ALMS1: variants seen among roughly 807,000 people sequenced by gnomAD.
ALMS1 encodes centrosome-associated protein ALMS1.
ALMS1 carries 271 observed loss-of-function variants against 352.2 expected under a neutral mutation model. The ratio of observed to expected loss-of-function variants is 0.77; its 90% CI spans 0.70 to 0.85. ALMS1 has a LOEUF of 0.85. ALMS1 is among the 40% of genes least tolerant of loss of function. The probability of loss-of-function intolerance (pLI) is 0.00; values close to 1 mark genes in which losing one functional copy is unlikely to be tolerated. For synonymous variants in ALMS1, 1,865 were observed against 1,761.2 expected (o/e 1.06, Z -1.48); for missense variants, 5,445 against 4,870.7 (o/e 1.12, Z -3.51).
At chr2:73,476,986 T>A (rs982678716) in intron 9 of ALMS1, among the ~76,000 whole-genome samples, 1 of 152,152 alleles carries the variant, frequency 6.6e-6, no homozygotes, top group African/African-American at 2.4e-5. Context: ...AAAGGTGCAA[T>A]TTCTAAGTAC....
chr2:73,490,866 C>T lies in ALMS1; in HGVS notation c.8907C>T (p.Cys2969=), dbSNP rs1355984539. 3.1e-6 allele frequency: 5 copies of T among 1,613,936 alleles called. No individual in the cohort carries two copies. The highest frequency in any genetic ancestry group is 4.2e-6 in the Non-Finnish European group (5 of 1,179,996). Residue 2969 remains cysteine (C), a synonymous_variant, in exon 10 of 23, where the codon TGC becomes TGT. Coordinates refer to ENST00000613296, the MANE Select transcript of ALMS1 (RefSeq NM_001378454.1). ...DLPSPISLEQ[C]QSKAPGVDDQ... ...CGTCTCCCATTTCTCTTGAACAATG[C>T]CAAAGCAAAGCGCCAGGTGTAGATG... is the stretch of plus-strand genomic sequence containing the variant.
At chr2:73,406,944 TAAC>T (rs1288485237) in intron 1 of ALMS1, among the ~76,000 whole-genome samples, 2 of 152,254 alleles carry the variant, frequency 1.3e-5, no homozygotes, top group Admixed American at 6.5e-5. Context: ...AGTACCCTGT[TAAC>T]AACATTTTAC....
chr2:73,446,702 G>T (rs1382441655), intron 7 of ALMS1, among the ~76,000 whole-genome samples: 1 of 152,052 alleles, frequency 6.6e-6, no homozygotes, highest in Non-Finnish European at 1.5e-5. Context: ...TAAAGTACCA[G>T]TTTTTGTCAC....
At position 73,450,558 on chromosome 2, in the gene ALMS1, A is replaced by G; in HGVS notation, c.4031A>G (p.Tyr1344Cys). The G allele has an allele frequency of 6.2e-7, 1 of 1,612,076 alleles. No homozygotes were observed. Among genetic ancestry groups the G allele is most frequent in the East Asian group, 2.2e-5 (1 of 44,832 alleles). Residue 1344 changes from tyrosine to cysteine, a missense_variant, in exon 8 of 23, where the codon TAC (tyrosine) becomes TGC (cysteine). Physicochemically the swap from Tyr to Cys is radical, Grantham distance 194. Transcript: ENST00000613296. ...YSHTEKPGVF[Y>C]QQVLPHSHPT... ...CACACAGAGAAGCCTGGTGTTTTCT[A>G]CCAACAGGTCTTGCCACATAGTCAT...
At chr2:73,404,371 A>G (rs1014888687) in intron 1 of ALMS1, among the ~76,000 whole-genome samples, 40 of 152,056 alleles carry the variant, frequency 2.6e-4, no homozygotes, top group African/African-American at 9.7e-4. Context: ...TCTTAGAGGA[A>G]ATGTTTTCAG....
intron 2 of ALMS1, among the ~76,000 whole-genome samples, chr2:73,409,397 G>GCC (rs1671033775): frequency 6.6e-6 from 1 of 152,062 alleles, no homozygotes; most frequent in East Asian, 1.9e-4. Context: ...ACAGGCATGA[G>GCC]CCACTGTGCC....
rs867728539 is a variant in ALMS1 at position 73,556,461 on chromosome 2, A to T, written c.10079-759A>T. ...AAGGCTATAACTGCATGAAATTTTT[A>T]AAAAATTGTATGAGAATGCTGTATT... On this transcript the variant is annotated intron_variant, in intron 13 of 22. Coordinates refer to ENST00000613296, the MANE Select transcript of ALMS1 (RefSeq NM_001378454.1). 4.1e-4 allele frequency among the ~76,000 whole-genome samples: 63 copies of T among 152,280 alleles called. 1 individual carries two copies. Among genetic ancestry groups the T allele is most frequent in the Non-Finnish European group, 7.6e-4 (52 of 68,014 alleles).
chr2:73,507,313 C>T lies in ALMS1; in HGVS notation c.9540-12462C>T, dbSNP rs1343415548. The stretch of plus-strand genomic sequence containing the variant: ...CTCATAAAATGAGTTAGGGAGGAGT[C>T]CCTCTTTTTCTATTGTTTGGAATAG... On this transcript the variant is annotated intron_variant, in intron 10 of 22. Coordinates refer to ENST00000613296, the MANE Select transcript of ALMS1 (RefSeq NM_001378454.1). 3.3e-5 allele frequency among the ~76,000 whole-genome samples: 5 copies of T among 152,082 alleles called. No homozygotes were observed. The East Asian group carries it at 7.7e-4, about 23-fold the overall frequency.
intron 15 of ALMS1, among the ~76,000 whole-genome samples, chr2:73,561,100 G>A (rs747988157): frequency 2.0e-5 from 3 of 152,238 alleles, no homozygotes; most frequent in South Asian, 2.1e-4. Flanking sequence ...ACTCAGGATT[G>A]CACATAACCG....
chr2:73,461,135 GCCT>G (rs1286468027), intron 9 of ALMS1, among the ~76,000 whole-genome samples: 1 of 152,222 alleles, frequency 6.6e-6, no homozygotes, highest in Non-Finnish European at 1.5e-5. Context: ...TGGGCAGACT[GCCT>G]CCTCAAGTGG....
chr2:73,502,693 A>ACATT (rs1229057131), intron 10 of ALMS1, among the ~76,000 whole-genome samples: 1 of 152,136 alleles, frequency 6.6e-6, no homozygotes, highest in Non-Finnish European at 1.5e-5. Context: ...GTAGTGAATT[A>ACATT]CATTGGTCCA....
chr2:73,391,294 CTT>C (rs397972016), intron 1 of ALMS1, among the ~76,000 whole-genome samples: 29 of 114,962 alleles, frequency 2.5e-4, no homozygotes, highest in Admixed American at 1.3e-3. Flanking sequence ...ACGTTTTATT[CTT>C]TTTTTTTTTT....
At chr2:73,466,647 T>TA (rs1672353396) in intron 9 of ALMS1, among the ~76,000 whole-genome samples, 1 of 151,710 alleles carries the variant, frequency 6.6e-6, no homozygotes, top group African/African-American at 2.4e-5. Flanking sequence ...ATAATAATAA[T>TA]AAAATAAAAA....
chr2:73,533,125 C>A (rs1005586479), intron 11 of ALMS1, among the ~76,000 whole-genome samples: 2 of 152,192 alleles, frequency 1.3e-5, no homozygotes, highest in East Asian at 3.8e-4. Context: ...GTTTAATCTT[C>A]CGTCTTCCGA....
chr2:73,486,930 C>T (rs1305543241), intron 9 of ALMS1, among the ~76,000 whole-genome samples: 1 of 152,118 alleles, frequency 6.6e-6, no homozygotes, highest in Non-Finnish European at 1.5e-5. Flanking sequence ...TGGCATGTGC[C>T]TGTTGTCCCA....
In ALMS1 at chr2:73,401,242, C is replaced by G. The variant is rs894343195; in HGVS notation, c.325-7380C>G. ...ATTCTCAATTTCATTGATTTCTGCTCTACTTTTTATTTATTTTCTTCTCCT... is the reference window on the plus strand; with the variant it reads ...ATTCTCAATTTCATTGATTTCTGCTGTACTTTTTATTTATTTTCTTCTCCT... On this transcript the variant is annotated intron_variant, in intron 1 of 22. Transcript: ENST00000613296. 2.6e-5 allele frequency among the ~76,000 whole-genome samples: 4 copies of G among 152,218 alleles called. No individual in the cohort carries two copies. The East Asian group carries it at 7.7e-4, about 29-fold the overall frequency.
chr2:73,488,831 T>C (rs774579668), intron 9 of ALMS1, among the ~76,000 whole-genome samples: 2 of 152,206 alleles, frequency 1.3e-5, no homozygotes, highest in Non-Finnish European at 2.9e-5. Flanking sequence ...CAAAGAAATG[T>C]TATATTTATG....
intron 16 of ALMS1, among the ~76,000 whole-genome samples, chr2:73,584,208 C>G (rs1675260301): frequency 6.6e-6 from 1 of 152,060 alleles, no homozygotes; most frequent in African/African-American, 2.4e-5. Context: ...ATAATTTTCC[C>G]CAACTAACCA....
intron 13 of ALMS1, among the ~76,000 whole-genome samples, chr2:73,553,975 A>G (rs1420198159): frequency 1.3e-5 from 2 of 152,218 alleles, no homozygotes; most frequent in Non-Finnish European, 2.9e-5. Context: ...TATTGATCCT[A>G]GAATAAATGG....
Sources: allele counts gnomAD v4.1 joint callset (sites outside exome capture counted in the v4.1 genomes callset), GRCh38; gene constraint gnomAD v4.1.1; transcripts MANE v1.5; gene names NCBI Gene and HGNC (gene_info 2026-07-23, HGNC 2026-07-21).